The following C2CD5 variants were observed in gnomAD, a reference collection of about 807,000 sequenced individuals.
C2CD5 encodes the protein C2 domain-containing protein 5.
C2CD5 carries 109 observed loss-of-function variants against 130.3 expected under a neutral mutation model. That is an observed-to-expected ratio of 0.84 (90% CI 0.72 to 0.98). C2CD5 has a LOEUF of 0.98. Among genes scored for constraint, C2CD5 ranks in the 50% least tolerant of loss-of-function variants. The pLI is 0.00. For missense variants in C2CD5, 996 were observed against 1,261.8 expected, an observed-to-expected ratio of 0.79 and a Z score of 3.19; for synonymous variants, 454 against 429.2, an observed-to-expected ratio of 1.06 and a Z score of -0.71.
chr12:22,523,545 A>G lies in C2CD5; in HGVS notation c.681T>C (p.Asp227=), dbSNP rs559071500. The change falls in exon 7 of 27, where the codon GAT becomes GAC. Residue 227 remains aspartate (D), a synonymous_variant. Transcript: ENST00000446597. ...CCACTAACCCAGACTCGCCCTCCAG[A>G]TCGAAACACTGTAAGTACCCCACAA... ...NAVVGYLQCF[D]LEGESGLVVR... 1 of 1,614,018 alleles carries G rather than the reference A, an allele frequency of 6.2e-7. No individual in the cohort carries two copies. The highest frequency in any genetic ancestry group is 1.3e-5 in the African/African-American group (1 of 75,010).
At chr12:22,479,254 A>C (rs1176479431) in intron 14 of C2CD5, among the ~76,000 whole-genome samples, 1 of 151,804 alleles carries the variant, frequency 6.6e-6, no homozygotes, top group African/African-American at 2.4e-5. Flanking sequence ...TTGTATTTTT[A>C]GTAGAGATGG....
At chr12:22,482,465 T>C in intron 14 of C2CD5, 92 bp downstream of exon 14, 2 of 1,062,742 alleles carry the variant, frequency 1.9e-6, no homozygotes, top group Non-Finnish European at 2.8e-6. Context: ...AGTCTTTAGA[T>C]AAGCCTTTGA....
At chr12:22,466,318 C>G (rs1942067695) in intron 22 of C2CD5, among the ~76,000 whole-genome samples, 1 of 150,910 alleles carries the variant, frequency 6.6e-6, no homozygotes. Flanking sequence ...AAAAAAAAAG[C>G]TATCACCTTA....
chr12:22,458,570 TA>T lies in C2CD5; in HGVS notation c.2599del (p.Tyr867ThrfsTer12). 1.6e-6 allele frequency: 2 copies of T among 1,279,988 alleles called. No individual in the cohort carries two copies. The highest frequency in any genetic ancestry group is 2.8e-5 in the South Asian group (1 of 35,172). 79.3% of individuals were successfully genotyped at this position (1,279,988 alleles called of 1,614,324 possible). A position where few individuals can be genotyped will look rare whatever the true frequency, so the allele number is the denominator to read the frequency against. On this transcript the variant is annotated frameshift_variant, in exon 24 of 27. Transcript: ENST00000446597. LOFTEE classifies it high-confidence loss of function. ...PAAQRATSVD[Y>X]SSFADRCSSW... is the part of the protein sequence containing the mutation. ...GCTGCATCTGTCTGCAAAGGAACTG[TA>T]ATCAACTGACGTTGCTGAAAACACA... is the stretch of plus-strand genomic sequence containing the variant.
Position 22,507,434 on chromosome 12 carries a change from T to G in C2CD5, c.1039-615A>C, listed in dbSNP as rs1948687826. Among the ~76,000 whole-genome samples the G allele has an allele frequency of 3.9e-5, 6 of 152,230 alleles. 1 individual carries two copies. In the South Asian group the frequency reaches 1.0e-3, roughly 26 times the overall value. On this transcript the variant is annotated intron_variant, in intron 9 of 26. Coordinates refer to ENST00000446597, the MANE Select transcript of C2CD5 (RefSeq NM_001286176.2). Reference sequence around the variant, plus strand: ...CAAATACAAGTGCATAAAGGTACATTAAGGAAAGTTGAAAGGTACATAGAT... The same window carrying G: ...CAAATACAAGTGCATAAAGGTACATGAAGGAAAGTTGAAAGGTACATAGAT...
At chr12:22,493,887 G>A (rs1049639130) in intron 10 of C2CD5, among the ~76,000 whole-genome samples, 1 of 150,268 alleles carries the variant, frequency 6.7e-6, no homozygotes, top group African/African-American at 2.4e-5. Context: ...CAAGAAATTA[G>A]AGACTAATTT....
chr12:22,504,501 C>T (rs1231496050), intron 10 of C2CD5, among the ~76,000 whole-genome samples: 1 of 152,072 alleles, frequency 6.6e-6, no homozygotes, highest in Non-Finnish European at 1.5e-5. Context: ...AGGGTTTCAC[C>T]TTGTTGGTCA....
intron 22 of C2CD5, among the ~76,000 whole-genome samples, chr12:22,462,250 T>G (rs1941303632): frequency 6.6e-6 from 1 of 152,202 alleles, no homozygotes; most frequent in Non-Finnish European, 1.5e-5. Context: ...CTCACTTGTG[T>G]GCCATTTGTA....
At chr12:22,473,568 A>G (rs1285099430) in intron 16 of C2CD5, among the ~76,000 whole-genome samples, 1 of 152,066 alleles carries the variant, frequency 6.6e-6, no homozygotes, top group Non-Finnish European at 1.5e-5. Context: ...TCCTCTGCCC[A>G]TGTTTGAAGC....
intron 12 of C2CD5, among the ~76,000 whole-genome samples, chr12:22,489,910 C>T (rs1946117592): frequency 6.6e-6 from 1 of 152,070 alleles, no homozygotes; most frequent in Non-Finnish European, 1.5e-5. Context: ...CTTATCAAGA[C>T]ACTAGAAACA....
At position 22,544,359 on chromosome 12, in the gene C2CD5, G is replaced by A; in HGVS notation, c.-69C>T. On this transcript the variant is annotated 5_prime_UTR_variant, in exon 1 of 27. Coordinates refer to ENST00000446597, the MANE Select transcript of C2CD5 (RefSeq NM_001286176.2). ...GGGTGCTGTCCCGCGCGGGTGCTGA[G>A]ACCTCATTCCGGAGAGGCGGCGGGA... 1 of 465,466 alleles carries A rather than the reference G, an allele frequency of 2.1e-6. No homozygotes were observed. The highest frequency in any genetic ancestry group is 3.8e-6 in the Non-Finnish European group (1 of 265,350). 28.8% of individuals were successfully genotyped at this position (465,466 alleles called of 1,614,324 possible).
rs948725849 is a variant in C2CD5, at chr12:22,470,850, G to GT, written c.2419dup (p.Thr807AsnfsTer4). On this transcript the variant is annotated frameshift_variant, in exon 21 of 27. Coordinates refer to ENST00000446597, the MANE Select transcript of C2CD5 (RefSeq NM_001286176.2). LOFTEE classifies it high-confidence loss of function. ...TCTTTGCAATGACTTTTCAACAGGGGTTTTTGTGGTTTGTAAAGCCTGATT... is the reference window on the plus strand; with the variant it reads ...TCTTTGCAATGACTTTTCAACAGGGGTTTTTTGTGGTTTGTAAAGCCTGATT... 1 of 1,611,426 alleles carries GT rather than the reference G, an allele frequency of 6.2e-7. No homozygotes were observed. The highest frequency in any genetic ancestry group is 8.5e-7 in the Non-Finnish European group (1 of 1,177,920).
At chr12:22,528,521 G>A (rs1311677786) in intron 3 of C2CD5, among the ~76,000 whole-genome samples, 6 of 152,102 alleles carry the variant, frequency 3.9e-5, no homozygotes, top group African/African-American at 1.4e-4. Context: ...TATTTTGGCT[G>A]CCACCTTCTG....
chr12:22,538,427 T>C (rs1336677183), intron 2 of C2CD5, among the ~76,000 whole-genome samples: 2 of 152,174 alleles, frequency 1.3e-5, no homozygotes, highest in African/African-American at 4.8e-5. Context: ...CACAACTGCC[T>C]CTTGGTAAAG....
chr12:22,508,042 T>C (rs1948775000), intron 9 of C2CD5, among the ~76,000 whole-genome samples: 1 of 152,114 alleles, frequency 6.6e-6, no homozygotes, highest in Non-Finnish European at 1.5e-5. Context: ...GCAGGCTTAT[T>C]AAAAGCAGCA....
chr12:22,482,279 A>C (rs1944851353), intron 14 of C2CD5, among the ~76,000 whole-genome samples: 1 of 152,168 alleles, frequency 6.6e-6, no homozygotes, highest in African/African-American at 2.4e-5. Context: ...GCAATATGTA[A>C]ACAATAATAA....
chr12:22,517,979 G>T lies in C2CD5; in HGVS notation c.952+7C>A. On this transcript the variant is annotated splice_region_variant and intron_variant, in intron 8 of 26. Coordinates refer to ENST00000446597, the MANE Select transcript of C2CD5 (RefSeq NM_001286176.2). ...GAAAAAATAAAAGGTGGGTGGAAGC[G>T]CCTTACCAGTTTTGGGTGTCAAACT... The T allele has an allele frequency of 6.2e-7, 1 of 1,606,330 alleles. No individual in the cohort carries two copies. Among genetic ancestry groups the T allele is most frequent in the Non-Finnish European group, 8.5e-7 (1 of 1,175,886 alleles).
chr12:22,458,515 A>T lies in C2CD5; in HGVS notation c.2655T>A (p.Ala885=). 7.7e-7 allele frequency: 1 copy of T among 1,304,104 alleles called. No homozygotes were observed. The highest frequency in any genetic ancestry group is 9.8e-7 in the Non-Finnish European group (1 of 1,023,438). The allele number at this position is 1,304,104 out of a possible 1,614,324, so 80.8% of individuals were successfully genotyped here. Residue 885 remains alanine (A), a synonymous_variant, in exon 24 of 27, where the codon GCT becomes GCA. Coordinates refer to ENST00000446597, the MANE Select transcript of C2CD5 (RefSeq NM_001286176.2). The part of the protein sequence containing the change: ...SSWIELIKLK[A]QTIRRGSIKT... ...TAATTGATCCACGCCTTATGGTCTG[A>T]GCTTTCAGTTTAATGAGCTCTATCC...
chr12:22,485,171 C>T lies in C2CD5; in HGVS notation c.1359-283G>A, dbSNP rs76357930. On this transcript the variant is annotated intron_variant, in intron 12 of 26. Coordinates refer to ENST00000446597, the MANE Select transcript of C2CD5 (RefSeq NM_001286176.2). The stretch of plus-strand genomic sequence containing the variant: ...ACCACCTGACAAACATCACTATCAC[C>T]CCAAAGTTTTTTCTCTGGGATACAA... 2.1e-3 allele frequency among the ~76,000 whole-genome samples: 321 copies of T among 151,992 alleles called. 8 individuals carry two copies. In the East Asian group the frequency reaches 0.05, roughly 24 times the overall value.
Sources: gnomAD v4.1 joint callset for allele counts (sites outside exome capture counted in the v4.1 genomes callset) on GRCh38, gnomAD v4.1.1 for gene constraint, MANE v1.5 for transcripts, NCBI Gene and HGNC (gene_info 2026-07-23, HGNC 2026-07-21) for gene names.